NSMCE2: variants seen among roughly 807,000 people sequenced by gnomAD.
The protein encoded by NSMCE2 is NSE2 SUMO ligase component of SMC5/6 complex.
Under a neutral mutation model 23.8 loss-of-function variants are expected in NSMCE2, and 24 were observed. The observed-to-expected ratio is 1.01, with a 90% CI of 0.73 to 1.42. The LOEUF is 1.42. Among genes scored for constraint, NSMCE2 ranks in the 40% most tolerant of loss-of-function variants. The probability of loss-of-function intolerance (pLI) is 0.00; values close to 1 mark genes in which losing one functional copy is unlikely to be tolerated. For missense variants in NSMCE2, 284 were observed against 296.5 expected (o/e 0.96, Z 0.31); for synonymous variants, 92 against 94.1 (o/e 0.98, Z 0.13).
chr8:125,366,977 G>C lies in NSMCE2; in HGVS notation c.*92G>C. The stretch of plus-strand genomic sequence containing the variant: ...TGCTGACCCCAGCAGTTAGGGACTG[G>C]CTGCATAGCATACTTGTTGGGGGTA... On this transcript the variant is annotated 3_prime_UTR_variant, in exon 8 of 8. Coordinates refer to ENST00000287437, the MANE Select transcript of NSMCE2 (RefSeq NM_173685.4). 1 of 709,888 alleles carries C rather than the reference G, an allele frequency of 1.4e-6. No individual in the cohort carries two copies. Among genetic ancestry groups the C allele is most frequent in the Admixed American group, 2.2e-5 (1 of 44,474 alleles). The allele number at this position is 709,888 out of a possible 1,614,324, so 44.0% of individuals were successfully genotyped here. A position where few individuals can be genotyped will look rare whatever the true frequency, so the allele number is the denominator to read the frequency against.
At chr8:125,183,752 G>C (rs1254248138) in intron 5 of NSMCE2, among the ~76,000 whole-genome samples, 1 of 151,664 alleles carries the variant, frequency 6.6e-6, no homozygotes, top group East Asian at 1.9e-4. Flanking sequence ...GCTTTTAAAA[G>C]CTCACATTAT....
At chr8:125,308,139 T>C (rs577295624) in intron 5 of NSMCE2, among the ~76,000 whole-genome samples, 1 of 152,040 alleles carries the variant, frequency 6.6e-6, no homozygotes, top group East Asian at 1.9e-4. Context: ...GCATGGGAGT[T>C]TATATAACCT....
intron 3 of NSMCE2, among the ~76,000 whole-genome samples, chr8:125,135,001 A>G (rs1228759583): frequency 1.3e-5 from 2 of 152,094 alleles, no homozygotes; most frequent in Non-Finnish European, 1.5e-5. Flanking sequence ...TTCACCTCCC[A>G]GGCTCAAGCA....
intron 5 of NSMCE2, among the ~76,000 whole-genome samples, chr8:125,306,554 A>AT (rs908987221): frequency 5.9e-4 from 89 of 152,044 alleles, no homozygotes; most frequent in African/African-American, 2.0e-3. Context: ...AATTTCTTAG[A>AT]TTTTTTTTCC....
At chr8:125,149,797 GTTATTC>G (rs1820895658) in intron 3 of NSMCE2, among the ~76,000 whole-genome samples, 1 of 152,070 alleles carries the variant, frequency 6.6e-6, no homozygotes, top group South Asian at 2.1e-4. Context: ...TCTGCTGATT[GTTATTC>G]TTAGTGGCTT....
At chr8:125,238,116 C>A (rs1825630702) in intron 5 of NSMCE2, among the ~76,000 whole-genome samples, 1 of 152,096 alleles carries the variant, frequency 6.6e-6, no homozygotes, top group Non-Finnish European at 1.5e-5. Flanking sequence ...AGCATTGATC[C>A]TGGCATCATA....
intron 5 of NSMCE2, among the ~76,000 whole-genome samples, chr8:125,305,476 T>C (rs1411284504): frequency 6.6e-6 from 1 of 152,184 alleles, no homozygotes; most frequent in Non-Finnish European, 1.5e-5. Context: ...GTCTTAGTTC[T>C]GGAAGCGTTA....
At chr8:125,269,160 T>A (rs527559988) in intron 5 of NSMCE2, among the ~76,000 whole-genome samples, 197 of 152,280 alleles carry the variant, frequency 1.3e-3, no homozygotes, top group Non-Finnish European at 2.0e-3. Flanking sequence ...CGATCTCGAC[T>A]CACTTCAACC....
intron 5 of NSMCE2, among the ~76,000 whole-genome samples, chr8:125,290,570 A>G (rs1000633850): frequency 6.6e-6 from 1 of 152,160 alleles, no homozygotes; most frequent in Admixed American, 6.5e-5. Context: ...TTTCAGTTCA[A>G]CTAAAGAGCC....
intron 5 of NSMCE2, among the ~76,000 whole-genome samples, chr8:125,251,752 C>A (rs1206194795): frequency 2.6e-5 from 4 of 152,200 alleles, no homozygotes; most frequent in Non-Finnish European, 5.9e-5. Flanking sequence ...ATTAACTCCA[C>A]TTTTTAAATA....
intron 5 of NSMCE2, among the ~76,000 whole-genome samples, chr8:125,318,228 G>A (rs1444832304): frequency 2.0e-5 from 3 of 152,186 alleles, no homozygotes; most frequent in African/African-American, 7.2e-5. Flanking sequence ...GGGCAACACA[G>A]TGAAACCCCA....
At chr8:125,106,254 A>G (rs1293169168) in intron 3 of NSMCE2, among the ~76,000 whole-genome samples, 1 of 152,204 alleles carries the variant, frequency 6.6e-6, no homozygotes, top group Non-Finnish European at 1.5e-5. Flanking sequence ...TACTAAAACA[A>G]TGAGAAAACA....
intron 1 of NSMCE2, among the ~76,000 whole-genome samples, chr8:125,096,125 A>G (rs902361527): frequency 1.3e-5 from 2 of 152,182 alleles, no homozygotes; most frequent in Non-Finnish European, 2.9e-5. Context: ...ATCAGCATAT[A>G]GCTTTACTAA....
At chr8:125,170,189 C>T (rs955829447) in intron 4 of NSMCE2, among the ~76,000 whole-genome samples, 6 of 152,106 alleles carry the variant, frequency 3.9e-5, no homozygotes, top group African/African-American at 1.4e-4. Context: ...AGGCATTGCA[C>T]ATTTAACCTT....
chr8:125,320,909 C>T (rs1013048077), intron 5 of NSMCE2, among the ~76,000 whole-genome samples: 1 of 152,142 alleles, frequency 6.6e-6, no homozygotes. Flanking sequence ...TCAGCTTCTG[C>T]GGAGGCCTCA....
At chr8:125,249,922 G>C (rs1043599713) in intron 5 of NSMCE2, among the ~76,000 whole-genome samples, 1 of 152,012 alleles carries the variant, frequency 6.6e-6, no homozygotes, top group Non-Finnish European at 1.5e-5. Context: ...GCTGCTATTG[G>C]GAGGAATTAA....
chr8:125,102,385 G>T lies in NSMCE2; in HGVS notation c.55G>T (p.Gly19Cys), dbSNP rs1446832548. The change falls in exon 3 of 8, where the codon GGT becomes TGT. Residue 19 changes from glycine to cysteine, a missense_variant. By Grantham distance (159) the Gly-to-Cys change is radical (BLOSUM62 -3). Around this residue, in one of 2 missense-constraint regions of NSMCE2, gnomAD observed 182 missense variants for 155.5 expected, o/e 1.17. Transcript: ENST00000287437. ...SGSTGFISFS[G>C]VESALSSLKN... ...TTCAACTGGTTTCATCTCCTTCAGT[G>T]GTGTAGAGTCTGCTCTCTCCTCCTT... is the stretch of plus-strand genomic sequence containing the variant. The T allele has an allele frequency of 6.2e-7, 1 of 1,613,434 alleles. No individual in the cohort carries two copies. Among genetic ancestry groups the T allele is most frequent in the Non-Finnish European group, 8.5e-7 (1 of 1,179,508 alleles).
chr8:125,200,881 T>C (rs1384744508), intron 5 of NSMCE2, among the ~76,000 whole-genome samples: 5 of 152,204 alleles, frequency 3.3e-5, no homozygotes, highest in Admixed American at 1.3e-4. Context: ...TTTACTCTTT[T>C]TTCTCTAACT....
chr8:125,324,430 A>G (rs1037344265), intron 5 of NSMCE2, among the ~76,000 whole-genome samples: 1 of 150,794 alleles, frequency 6.6e-6, no homozygotes, highest in Admixed American at 6.6e-5. Flanking sequence ...TGATAAATGA[A>G]TAGACATTGT....
Sources: gnomAD v4.1 joint callset for allele counts (sites outside exome capture counted in the v4.1 genomes callset) on GRCh38, gnomAD v4.1.1 for gene constraint, gnomAD v4.1.1 regional missense constraint, MANE v1.5 for transcripts, NCBI Gene and HGNC (gene_info 2026-07-23, HGNC 2026-07-21) for gene names.